SNX30: variants seen among roughly 807,000 people sequenced by gnomAD.
The protein encoded by SNX30 is sorting nexin-30.
A neutral mutation model predicts 46.4 loss-of-function variants in SNX30; 24 were observed. The ratio of observed to expected loss-of-function variants is 0.52; its 90% CI spans 0.37 to 0.73. The LOEUF is 0.73. Ranked by LOEUF, SNX30 falls within the 30% of genes least tolerant of loss-of-function variation. SNX30 has a pLI of 0.00. For synonymous variants in SNX30, 189 were observed against 211.5 expected, an observed-to-expected ratio of 0.89 and a Z score of 0.92; for missense variants, 533 against 555.7, an observed-to-expected ratio of 0.96 and a Z score of 0.41.
At chr9:112,876,614 C>G (rs901426089), downstream of SNX30, among the ~76,000 whole-genome samples, 1 of 151,154 alleles carries the variant, frequency 6.6e-6, no homozygotes, top group African/African-American at 2.4e-5. Flanking sequence ...GGGAAGAGAA[C>G]CAAGGACAGG....
At chr9:112,778,052 A>G (rs1353555319) in intron 1 of SNX30, among the ~76,000 whole-genome samples, 1 of 152,024 alleles carries the variant, frequency 6.6e-6, no homozygotes, top group Non-Finnish European at 1.5e-5. Flanking sequence ...CTGGAGGTTC[A>G]TTGGACTGGT....
chr9:112,882,139 C>G (rs543237023), downstream of SNX30, among the ~76,000 whole-genome samples: 3 of 152,248 alleles, frequency 2.0e-5, no homozygotes, highest in African/African-American at 7.2e-5. Flanking sequence ...CAGAGTCTTG[C>G]TCTGTCACCC....
Position 112,874,527 on chromosome 9 carries a change from A to C in SNX30, c.*5684A>C, listed in dbSNP as rs1195912565. The C allele has an allele frequency of 6.6e-6, 1 of 152,240 alleles. No homozygotes were observed. Among genetic ancestry groups the C allele is most frequent in the African/African-American group, 2.4e-5 (1 of 41,458 alleles). The allele number at this position is 152,240 out of a possible 1,614,324, so 9.4% of individuals were successfully genotyped here. On this transcript the variant is annotated 3_prime_UTR_variant, in exon 9 of 9. Transcript: ENST00000374232. ...AGTCATTCTTTACGTTTAAAATTTT[A>C]AAATAAAAACCTTCTGAGGTATTGA...
chr9:112,850,068 A>T (rs1440810976), intron 6 of SNX30, among the ~76,000 whole-genome samples: 1 of 152,184 alleles, frequency 6.6e-6, no homozygotes, highest in Non-Finnish European at 1.5e-5. Context: ...CAGGGCATTC[A>T]CTGTCAGGTG....
At position 112,818,163 on chromosome 9, in the gene SNX30, T is replaced by C. The variant is rs1301059095; in HGVS notation, c.459+348T>C. 3.3e-5 allele frequency among the ~76,000 whole-genome samples: 5 copies of C among 152,108 alleles called. No homozygotes were observed. The South Asian group carries it at 6.2e-4, about 19-fold the overall frequency. On this transcript the variant is annotated intron_variant, in intron 3 of 8. Coordinates refer to ENST00000374232, the MANE Select transcript of SNX30 (RefSeq NM_001012994.2). ...CTCCAGCGCTTCCATCTGCACAGTT[T>C]TTAAAAAACAGAACCAGAGCAAAAG...
In SNX30 at chr9:112,751,130, G is replaced by A. The variant is rs1418233601; in HGVS notation, c.129G>A (p.Leu43=). ...VGGDSTPSPD[L]LMARSFGDKD... is the part of the protein sequence containing the mutation. The stretch of plus-strand genomic sequence containing the variant: ...GTGACAGCACGCCCAGCCCGGACCT[G>A]CTGATGGCCCGCAGCTTCGGTGACA... The change falls in exon 1 of 9, where the codon CTG becomes CTA. Residue 43 remains leucine (L), a synonymous_variant. Coordinates refer to ENST00000374232, the MANE Select transcript of SNX30 (RefSeq NM_001012994.2). 2.7e-6 allele frequency: 4 copies of A among 1,505,456 alleles called. No individual in the cohort carries two copies. The highest frequency in any genetic ancestry group is 3.5e-6 in the Non-Finnish European group (4 of 1,135,132). 93.3% of individuals were successfully genotyped at this position (1,505,456 alleles called of 1,614,324 possible).
chr9:112,821,631 C>A (rs1476033370), intron 3 of SNX30, among the ~76,000 whole-genome samples: 1 of 151,796 alleles, frequency 6.6e-6, no homozygotes, highest in Admixed American at 6.6e-5. Flanking sequence ...GGACTACAGG[C>A]GCCCGCCACC....
At chr9:112,768,685 T>G (rs1839592545) in intron 1 of SNX30, among the ~76,000 whole-genome samples, 1 of 142,072 alleles carries the variant, frequency 7.0e-6, no homozygotes, top group Non-Finnish European at 1.5e-5. Flanking sequence ...TGAGACGGTC[T>G]TGCTCTTGTC....
At chr9:112,836,443 G>A (rs372628196) in intron 5 of SNX30, 34 bp downstream of exon 5, 11 of 1,559,928 alleles carry the variant, frequency 7.1e-6, no homozygotes, top group Non-Finnish European at 9.7e-6. Flanking sequence ...ATTATGCCCT[G>A]CAGCCACATT....
At chr9:112,851,197 C>T (rs1048318950) in intron 7 of SNX30, among the ~76,000 whole-genome samples, 4 of 152,198 alleles carry the variant, frequency 2.6e-5, no homozygotes, top group Admixed American at 6.5e-5. Flanking sequence ...TGCCATTCAT[C>T]GGCAGTTCCT....
rs755477613 is a variant in SNX30, at chr9:112,850,909, G to T, written c.1065G>T (p.Leu355=). The change falls in exon 7 of 9, where the codon CTG becomes CTT. Residue 355 remains leucine (L), a synonymous_variant. Coordinates refer to ENST00000374232, the MANE Select transcript of SNX30 (RefSeq NM_001012994.2). ...DQVQAEYEAK[L]EAVALRKEDR... is the part of the protein sequence containing the mutation. ...TTCAAGCAGAGTATGAAGCCAAACTGGAAGCTGTGGCTCTGCGGAAGGAAG... is the reference window on the plus strand; with the variant it reads ...TTCAAGCAGAGTATGAAGCCAAACTTGAAGCTGTGGCTCTGCGGAAGGAAG... 1.2e-6 allele frequency: 2 copies of T among 1,614,022 alleles called. No individual in the cohort carries two copies. Among genetic ancestry groups the T allele is most frequent in the Non-Finnish European group, 1.7e-6 (2 of 1,179,980 alleles).
rs1369776714 is a variant in SNX30 at position 112,850,854 on chromosome 9, CA to C, written c.1015-4del. On this transcript the variant is annotated splice_polypyrimidine_tract_variant and splice_region_variant and intron_variant, in intron 6 of 8. Coordinates refer to ENST00000374232, the MANE Select transcript of SNX30 (RefSeq NM_001012994.2). The stretch of plus-strand genomic sequence containing the variant: ...TTACATGCTTCTCTCCTCTGCCTCC[CA>C]CAGAGTGTATTGAAGAAGAGGGACC... 5.6e-6 allele frequency: 9 copies of C among 1,611,906 alleles called. No individual in the cohort carries two copies. In the Middle Eastern group the frequency reaches 8.6e-4, roughly 154 times the overall value.
At chr9:112,862,844 A>G (rs534936277) in intron 7 of SNX30, among the ~76,000 whole-genome samples, 3 of 151,678 alleles carry the variant, frequency 2.0e-5, no homozygotes, top group South Asian at 4.2e-4. Context: ...GGCATGAACC[A>G]CTGCACTCAG....
At chr9:112,863,027 A>C (rs904413209) in intron 7 of SNX30, among the ~76,000 whole-genome samples, 2 of 152,030 alleles carry the variant, frequency 1.3e-5, no homozygotes, top group African/African-American at 4.8e-5. Context: ...GCACATTCAA[A>C]TTCACTTGCC....
At chr9:112,769,346 G>A (rs1017324834) in intron 1 of SNX30, among the ~76,000 whole-genome samples, 1 of 152,148 alleles carries the variant, frequency 6.6e-6, no homozygotes, top group Non-Finnish European at 1.5e-5. Flanking sequence ...CTGGGCTGTG[G>A]GGCTGGCACT....
chr9:112,755,347 G>A (rs753292109), intron 1 of SNX30, among the ~76,000 whole-genome samples: 20 of 152,254 alleles, frequency 1.3e-4, no homozygotes, highest in Admixed American at 2.0e-4. Flanking sequence ...CTGGTGTGTC[G>A]GGGAGCAGCC....
intron 1 of SNX30, among the ~76,000 whole-genome samples, chr9:112,757,277 A>G (rs536699913): frequency 3.0e-4 from 45 of 152,346 alleles, no homozygotes; most frequent in African/African-American, 1.0e-3. Flanking sequence ...TGTTGCACTT[A>G]GCATAATTTC....
chr9:112,873,159 C>A lies in SNX30; in HGVS notation c.*4316C>A, dbSNP rs1226969552. 6.6e-6 allele frequency: 1 copy of A among 152,172 alleles called. No homozygotes were observed. The highest frequency in any genetic ancestry group is 1.5e-5 in the Non-Finnish European group (1 of 68,040). The allele number at this position is 152,172 out of a possible 1,614,324, so 9.4% of individuals were successfully genotyped here. A position where few individuals can be genotyped will look rare whatever the true frequency, so the allele number is the denominator to read the frequency against. On this transcript the variant is annotated 3_prime_UTR_variant, in exon 9 of 9. Transcript: ENST00000374232. The stretch of plus-strand genomic sequence containing the variant: ...AATTTGAGATACATCCTGAGTATGA[C>A]TGTCTAACCCTTTCTGTGTGGCAGA...
intron 1 of SNX30, among the ~76,000 whole-genome samples, chr9:112,781,592 A>T (rs1839847769): frequency 6.6e-6 from 1 of 152,108 alleles, no homozygotes; most frequent in Non-Finnish European, 1.5e-5. Flanking sequence ...AGTATAACCC[A>T]TGGGTTAAGA....
Sources: allele counts gnomAD v4.1 joint callset (sites outside exome capture counted in the v4.1 genomes callset), GRCh38; gene constraint gnomAD v4.1.1; transcripts MANE v1.5; gene names NCBI Gene and HGNC (gene_info 2026-07-23, HGNC 2026-07-21).